The following DNAH8 variants were observed in gnomAD, a reference collection of about 807,000 sequenced individuals.
The protein encoded by DNAH8 is axonemal beta dynein heavy chain 8.
DNAH8 carries 382 observed loss-of-function variants against 562.1 expected under a neutral mutation model. The observed-to-expected ratio is 0.68, with a 90% CI of 0.63 to 0.74. The LOEUF (loss-of-function observed/expected upper bound fraction) is 0.74, where lower values mean the gene tolerates loss of function less well. Ranked by LOEUF, DNAH8 falls within the 30% of genes least tolerant of loss-of-function variation. DNAH8 has a pLI of 0.00. For synonymous variants in DNAH8, 1,881 were observed against 1,919.4 expected, an observed-to-expected ratio of 0.98 and a Z score of 0.52; for missense variants, 5,203 against 5,620.4, an observed-to-expected ratio of 0.93 and a Z score of 2.37.
intron 5 of DNAH8, 137 bp downstream of exon 5, chr6:38,734,762 TA>T (rs1051938363): frequency 9.7e-5 from 91 of 942,566 alleles, no homozygotes; most frequent in Middle Eastern, 3.4e-4. Context: ...ATTCATATAT[TA>T]AAAAAAACTG....
intron 55 of DNAH8, among the ~76,000 whole-genome samples, 153 bp from the exon 56 acceptor site, chr6:38,883,723 T>A (rs1366469414): frequency 6.6e-6 from 1 of 152,094 alleles, no homozygotes; most frequent in Non-Finnish European, 1.5e-5. Flanking sequence ...AATGCCTTAT[T>A]TTTAAAAATT....
Position 38,951,536 on chromosome 6 carries a change from T to C in DNAH8, c.12451+16T>C, listed in dbSNP as rs1374760225. 8 of 1,593,352 alleles carry C rather than the reference T, an allele frequency of 5.0e-6. No individual in the cohort carries two copies. The highest frequency in any genetic ancestry group is 6.9e-6 in the Non-Finnish European group (8 of 1,167,410). On this transcript the variant is annotated intron_variant, in intron 82 of 92. Transcript: ENST00000327475. Reference sequence around the variant, plus strand: ...CTGAAACTGGGTAAGACTAGCAATCTACAAAATGTAGCAACACTTCCATAT... The same window carrying C: ...CTGAAACTGGGTAAGACTAGCAATCCACAAAATGTAGCAACACTTCCATAT...
At chr6:39,024,914 C>T (rs1767169562) in intron 91 of DNAH8, among the ~76,000 whole-genome samples, 1 of 152,204 alleles carries the variant, frequency 6.6e-6, no homozygotes, top group Non-Finnish European at 1.5e-5. Flanking sequence ...TTGGTCAACT[C>T]TTCTTTTGGG....
chr6:38,951,973 C>T (rs1171271448), intron 82 of DNAH8, among the ~76,000 whole-genome samples: 1 of 152,118 alleles, frequency 6.6e-6, no homozygotes, highest in Non-Finnish European at 1.5e-5. Flanking sequence ...TCAGTACAGG[C>T]AGTGTGCTAG....
chr6:38,967,625 T>G (rs1171417253), intron 82 of DNAH8, among the ~76,000 whole-genome samples: 1 of 151,956 alleles, frequency 6.6e-6, no homozygotes, highest in Non-Finnish European at 1.5e-5. Context: ...ATTAAAAAAT[T>G]AAATACCTAA....
Position 38,720,341 on chromosome 6 carries a change from C to T in DNAH8, c.-34-2435C>T, listed in dbSNP as rs114644897. On this transcript the variant is annotated intron_variant, in intron 1 of 92. Transcript: ENST00000327475. Reference sequence around the variant, plus strand: ...CTCTGTAACTTGGCCAAAGAAGACACCAAATCAGAGTTGCTGTTTGGCAGT... The same window carrying T: ...CTCTGTAACTTGGCCAAAGAAGACATCAAATCAGAGTTGCTGTTTGGCAGT... 5.7e-3 allele frequency among the ~76,000 whole-genome samples: 861 copies of T among 152,308 alleles called. 9 individuals are homozygous for T. Among genetic ancestry groups the T allele is most frequent in the African/African-American group, 0.019 (806 of 41,566 alleles).
chr6:38,747,416 T>G (rs1765045188), intron 8 of DNAH8, among the ~76,000 whole-genome samples: 1 of 140,228 alleles, frequency 7.1e-6, no homozygotes, highest in South Asian at 2.3e-4. Flanking sequence ...AGGCAAAATC[T>G]CACTCTGTTG....
chr6:38,957,899 AT>A (rs1762354941), intron 82 of DNAH8, among the ~76,000 whole-genome samples: 1 of 151,798 alleles, frequency 6.6e-6, no homozygotes. Flanking sequence ...AAGATCACAA[AT>A]AACCTAATGT....
chr6:38,871,937 C>G (rs536071950), intron 49 of DNAH8, among the ~76,000 whole-genome samples: 162 of 152,252 alleles, frequency 1.1e-3, no homozygotes, highest in African/African-American at 3.8e-3. Context: ...TCCAGTCTCC[C>G]GAGGGATCAG....
chr6:38,913,508 T>C (rs1312827018), intron 66 of DNAH8, among the ~76,000 whole-genome samples: 2 of 152,208 alleles, frequency 1.3e-5, no homozygotes, highest in Non-Finnish European at 2.9e-5. Context: ...AGGCAAAAAA[T>C]GATAGCTACA....
chr6:38,715,719 A>G (rs1465926759), intron 1 of DNAH8, among the ~76,000 whole-genome samples: 1 of 151,380 alleles, frequency 6.6e-6, no homozygotes, highest in African/African-American at 2.4e-5. Flanking sequence ...ATTGCTACGC[A>G]AAGGCATCCA....
At chr6:38,790,228 C>T in intron 19 of DNAH8, 61 bp from the exon 20 acceptor site, 6 of 890,682 alleles carry the variant, frequency 6.7e-6, no homozygotes, top group Admixed American at 2.1e-5. Flanking sequence ...GATAAATCCT[C>T]TTCTATAAGT....
intron 21 of DNAH8, among the ~76,000 whole-genome samples, chr6:38,797,117 G>A (rs1467396374): frequency 6.6e-6 from 1 of 152,202 alleles, no homozygotes; most frequent in Non-Finnish European, 1.5e-5. Context: ...CTTGGGGCTG[G>A]ACGCGGTGAC....
At chr6:38,845,171 T>G (rs970463846) in intron 35 of DNAH8, among the ~76,000 whole-genome samples, 1 of 152,196 alleles carries the variant, frequency 6.6e-6, no homozygotes, top group Non-Finnish European at 1.5e-5. Flanking sequence ...AGAAATATAG[T>G]AATATCTATA....
intron 66 of DNAH8, 146 bp downstream of exon 66, chr6:38,911,732 T>TC: frequency 1.6e-6 from 1 of 617,898 alleles, no homozygotes. Context: ...GCCTTGAGGG[T>TC]ATTTTGACCT....
In DNAH8 at chr6:38,842,431, TG is replaced by T; in HGVS notation, c.4532del (p.Gly1511ValfsTer10). 6.2e-7 allele frequency: 1 copy of T among 1,612,768 alleles called. No individual in the cohort carries two copies. The highest frequency in any genetic ancestry group is 8.5e-7 in the Non-Finnish European group (1 of 1,179,036). ...ATGACACCGTAATGAGCAGTATTAG[TG>T]GTTATTATGAAATACTTTGGGGAGA... ...LYDTVMSSIS[G>X]YYEILWGDVD... On this transcript the variant is annotated frameshift_variant, in exon 34 of 93. Coordinates refer to ENST00000327475, the MANE Select transcript of DNAH8 (RefSeq NM_001206927.2). LOFTEE classifies it high-confidence loss of function.
rs573655926 is a variant in DNAH8, at chr6:38,874,332, C to T, written c.7620+956C>T. ...TCCCCTTCCCTTCCCTTCCCTCCCTCTCTCTCTCTTCTTTTCTTTTCCTTT... is the reference window on the plus strand; with the variant it reads ...TCCCCTTCCCTTCCCTTCCCTCCCTTTCTCTCTCTTCTTTTCTTTTCCTTT... On this transcript the variant is annotated intron_variant, in intron 52 of 92. Coordinates refer to ENST00000327475, the MANE Select transcript of DNAH8 (RefSeq NM_001206927.2). Among the ~76,000 whole-genome samples the T allele has an allele frequency of 1.3e-3, 152 of 117,664 alleles. 1 individual carries two copies. The highest frequency in any genetic ancestry group is 4.7e-3 in the African/African-American group (145 of 31,042). 77.2% of individuals were successfully genotyped at this position (117,664 alleles called of 152,430 possible).
At position 38,945,604 on chromosome 6, in the gene DNAH8, G is replaced by T; in HGVS notation, c.12129+16G>T. On this transcript the variant is annotated intron_variant, in intron 80 of 92. Transcript: ENST00000327475. ...TATGAACCAGGTAATACAATAAAGG[G>T]CTGGTTGAAAGTGCAGATCTGCAAA... The T allele has an allele frequency of 1.2e-6, 2 of 1,613,514 alleles. No homozygotes were observed. The highest frequency in any genetic ancestry group is 1.1e-5 in the South Asian group (1 of 91,042).
At chr6:38,984,454 A>C (rs1764237722) in intron 87 of DNAH8, 147 bp downstream of exon 87, 1 of 612,240 alleles carries the variant, frequency 1.6e-6, no homozygotes, top group Non-Finnish European at 2.9e-6. Flanking sequence ...GTGCGCTTAC[A>C]CACACGCACA....
Sources: gnomAD v4.1 joint callset for allele counts (sites outside exome capture counted in the v4.1 genomes callset) on GRCh38, gnomAD v4.1.1 for gene constraint, MANE v1.5 for transcripts, NCBI Gene and HGNC (gene_info 2026-07-23, HGNC 2026-07-21) for gene names.